TMEM245: variants seen among roughly 807,000 people sequenced by gnomAD.
TMEM245 encodes protein CG-2.
In TMEM245, 69 loss-of-function variants were observed where a neutral mutation model predicts 101.2. That is an observed-to-expected ratio of 0.68 (90% CI 0.56 to 0.83). The LOEUF is 0.83. Among genes scored for constraint, TMEM245 ranks in the 40% least tolerant of loss-of-function variants. TMEM245 has a pLI of 0.00. For synonymous variants in TMEM245, 537 were observed against 449.8 expected, an observed-to-expected ratio of 1.19 and a Z score of -2.45; for missense variants, 1,075 against 1,092.8, an observed-to-expected ratio of 0.98 and a Z score of 0.23.
chr9:109,078,003 G>T (rs1052251906), intron 8 of TMEM245, among the ~76,000 whole-genome samples: 1 of 152,084 alleles, frequency 6.6e-6, no homozygotes, highest in Non-Finnish European at 1.5e-5. Context: ...TTCCTGCACT[G>T]CCTTTTGTGT....
chr9:109,081,676 A>G (rs1421620393), intron 7 of TMEM245, among the ~76,000 whole-genome samples: 1 of 152,204 alleles, frequency 6.6e-6, no homozygotes, highest in Non-Finnish European at 1.5e-5. Flanking sequence ...CATAATACAT[A>G]ATAAAATGCT....
intron 16 of TMEM245, among the ~76,000 whole-genome samples, chr9:109,035,852 C>T (rs1828101995): frequency 6.7e-6 from 1 of 149,988 alleles, no homozygotes; most frequent in Non-Finnish European, 1.5e-5. Flanking sequence ...AGGAGGACTG[C>T]TTGAGCCTAG....
At chr9:109,095,102 T>C (rs571717041) in intron 3 of TMEM245, among the ~76,000 whole-genome samples, 6 of 152,246 alleles carry the variant, frequency 3.9e-5, no homozygotes, top group African/African-American at 1.4e-4. Context: ...CATTTTTAGA[T>C]AGGGTATCGT....
intron 1 of TMEM245, among the ~76,000 whole-genome samples, chr9:109,113,130 C>G (rs59649152): frequency 6.6e-6 from 1 of 152,218 alleles, no homozygotes; most frequent in Non-Finnish European, 1.5e-5. Context: ...TTTTACCATA[C>G]AAACTTCTGT....
At chr9:109,088,894 A>G (rs1829919797) in intron 5 of TMEM245, among the ~76,000 whole-genome samples, 2 of 18,888 alleles carry the variant, frequency 1.1e-4, no homozygotes. Context: ...AACAGGAAGC[A>G]TGGCATGGTA....
At chr9:109,115,638 C>G (rs1830704145) in intron 1 of TMEM245, among the ~76,000 whole-genome samples, 1 of 144,394 alleles carries the variant, frequency 6.9e-6, no homozygotes, top group Non-Finnish European at 1.5e-5. Flanking sequence ...TCAAGCAATT[C>G]TCCTGCCTCA....
At chr9:109,090,691 T>G (rs1228587346) in intron 5 of TMEM245, among the ~76,000 whole-genome samples, 1 of 150,646 alleles carries the variant, frequency 6.6e-6, no homozygotes, top group Non-Finnish European at 1.5e-5. Flanking sequence ...GCCACTGCAC[T>G]TCCAGCCTGG....
At position 109,119,721 on chromosome 9, in the gene TMEM245, G is replaced by A. The variant is rs747250014; in HGVS notation, c.193C>T (p.Leu65=). The change falls in exon 1 of 18, where the codon CTG becomes TTG. Residue 65 remains leucine (L), a synonymous_variant. Coordinates refer to ENST00000374586, the MANE Select transcript of TMEM245 (RefSeq NM_032012.4). ...ACCAGCACCGCGGCGCCGCAGCACA[G>A]GCACACGAACAGCACGGCCCCGGTG... is the stretch of plus-strand genomic sequence containing the variant. ...YNTGAVLFVC[L]CCGAAVLVYF... 1 of 1,548,202 alleles carries A rather than the reference G, an allele frequency of 6.5e-7. No individual in the cohort carries two copies. The highest frequency in any genetic ancestry group is 1.9e-5 in the Admixed American group (1 of 53,146).
At chr9:109,034,333 A>G (rs1828056093) in intron 16 of TMEM245, among the ~76,000 whole-genome samples, 1 of 152,252 alleles carries the variant, frequency 6.6e-6, no homozygotes, top group South Asian at 2.1e-4. Flanking sequence ...TCTTCAGGAA[A>G]CCAATAAATT....
chr9:109,063,198 C>T (rs1829067204), intron 10 of TMEM245, among the ~76,000 whole-genome samples: 1 of 151,828 alleles, frequency 6.6e-6, no homozygotes. Flanking sequence ...CGGCTCACTG[C>T]AACCTCTGCC....
chr9:109,085,090 T>C (rs138731167), intron 7 of TMEM245, among the ~76,000 whole-genome samples: 2 of 152,360 alleles, frequency 1.3e-5, no homozygotes, highest in African/African-American at 2.4e-5. Flanking sequence ...TCTTGCTATC[T>C]GTCCTAGAGA....
At chr9:109,035,586 C>T (rs1828094186) in intron 16 of TMEM245, among the ~76,000 whole-genome samples, 1 of 152,070 alleles carries the variant, frequency 6.6e-6, no homozygotes, top group African/African-American at 2.4e-5. Flanking sequence ...GACATACAAT[C>T]TAACAACATT....
rs1231079030 is a variant in TMEM245 at position 109,060,398 on chromosome 9, C to T, written c.1678G>A (p.Val560Ile). 2.5e-6 allele frequency: 4 copies of T among 1,613,730 alleles called. No individual in the cohort carries two copies. Among genetic ancestry groups the T allele is most frequent in the Non-Finnish European group, 2.5e-6 (3 of 1,179,824 alleles). The change falls in exon 11 of 18, where the codon GTA becomes ATA. Residue 560 changes from valine to isoleucine, a missense_variant. Around this residue, in one of 2 missense-constraint regions of TMEM245, gnomAD observed 808 missense variants for 741.5 expected, o/e 1.09. Transcript: ENST00000374586. ...VNNTAVIEKQ[V>I]LELWDRLYHS... ...TACAGTCTGTCCCAAAGTTCTAGTA[C>T]TTGCTTTTCAATTACAGCAGTATTG...
intron 1 of TMEM245, among the ~76,000 whole-genome samples, chr9:109,118,275 C>A (rs1348991867): frequency 6.6e-6 from 1 of 152,158 alleles, no homozygotes; most frequent in Non-Finnish European, 1.5e-5. Flanking sequence ...CTGCCAATAA[C>A]CTCAGGCAAG....
intron 14 of TMEM245, among the ~76,000 whole-genome samples, chr9:109,049,962 A>T (rs1588034133): frequency 6.6e-6 from 1 of 152,134 alleles, no homozygotes; most frequent in African/African-American, 2.4e-5. Flanking sequence ...GATAATTTTT[A>T]AAATTTTTTT....
At chr9:109,104,764 G>A (rs191228355) in intron 3 of TMEM245, among the ~76,000 whole-genome samples, 4 of 152,244 alleles carry the variant, frequency 2.6e-5, no homozygotes, top group East Asian at 1.9e-4. Flanking sequence ...TCTGACAAGG[G>A]TGCCAAGGCC....
intron 12 of TMEM245, among the ~76,000 whole-genome samples, chr9:109,051,642 A>G (rs1168264459): frequency 1.3e-5 from 2 of 152,186 alleles, no homozygotes; most frequent in African/African-American, 4.8e-5. Flanking sequence ...CAGTATTATA[A>G]TCTTATGGGA....
intron 1 of TMEM245, among the ~76,000 whole-genome samples, chr9:109,115,808 G>A (rs1329977473): frequency 6.6e-6 from 1 of 152,018 alleles, no homozygotes; most frequent in Non-Finnish European, 1.5e-5. Flanking sequence ...GGGATTACAG[G>A]TGTGAGCAAC....
At chr9:109,109,543 T>C (rs1830515150) in intron 1 of TMEM245, among the ~76,000 whole-genome samples, 1 of 152,068 alleles carries the variant, frequency 6.6e-6, no homozygotes, top group East Asian at 1.9e-4. Context: ...AAAAACTATC[T>C]CCTACGTTAT....
Sources: gnomAD v4.1 joint callset for allele counts (sites outside exome capture counted in the v4.1 genomes callset) on GRCh38, gnomAD v4.1.1 for gene constraint, gnomAD v4.1.1 regional missense constraint, MANE v1.5 for transcripts, NCBI Gene and HGNC (gene_info 2026-07-23, HGNC 2026-07-21) for gene names.